The following GLE1 variants were observed in gnomAD, a reference collection of about 807,000 sequenced individuals.
GLE1 encodes the protein mRNA export factor GLE1.
Under a neutral mutation model 97.3 loss-of-function variants are expected in GLE1, and 78 were observed. The observed-to-expected ratio is 0.80, with a 90% CI of 0.67 to 0.97. The LOEUF (loss-of-function observed/expected upper bound fraction) is 0.97, where lower values mean the gene tolerates loss of function less well. GLE1 is among the 50% of genes least tolerant of loss of function. The pLI is 0.00. For synonymous variants in GLE1, 302 were observed against 313.4 expected (o/e 0.96, Z 0.39); for missense variants, 753 against 857.5 (o/e 0.88, Z 1.52).
At chr9:128,524,411 A>G (rs949530124) in intron 6 of GLE1, among the ~76,000 whole-genome samples, 2 of 151,220 alleles carry the variant, frequency 1.3e-5, no homozygotes, top group African/African-American at 2.4e-5. Flanking sequence ...TAAATTAGCA[A>G]TAGAGATCTC....
At chr9:128,510,526 C>CTTTTT (rs71381766) in intron 2 of GLE1, among the ~76,000 whole-genome samples, 1 of 82,728 alleles carries the variant, frequency 1.2e-5, no homozygotes, top group Non-Finnish European at 2.4e-5. Flanking sequence ...CACACCCAGG[C>CTTTTT]TTTTTTTTTT....
chr9:128,518,637 T>C (rs1187256910), intron 3 of GLE1, among the ~76,000 whole-genome samples: 1 of 151,272 alleles, frequency 6.6e-6, no homozygotes, highest in Admixed American at 6.6e-5. Context: ...TGGGAGGCCG[T>C]GGTGGATGGA....
At chr9:128,538,163 G>T in intron 13 of GLE1, 73 bp downstream of exon 13, 1 of 800,524 alleles carries the variant, frequency 1.2e-6, no homozygotes, top group South Asian at 1.4e-5. Flanking sequence ...TGACATGAAT[G>T]GGGAAACAGC....
chr9:128,523,019 A>G (rs1018971351), intron 4 of GLE1, among the ~76,000 whole-genome samples: 1 of 152,118 alleles, frequency 6.6e-6, no homozygotes, highest in African/African-American at 2.4e-5. Flanking sequence ...CTTTTAGGAG[A>G]GGTAAAACAA....
intron 8 of GLE1, 68 bp downstream of exon 8, chr9:128,527,359 C>G: frequency 7.8e-7 from 1 of 1,276,046 alleles, no homozygotes; most frequent in Non-Finnish European, 1.1e-6. Context: ...CACTTCGTGT[C>G]CCAAAGGAAT....
At chr9:128,530,349 G>A (rs1054302040) in intron 9 of GLE1, among the ~76,000 whole-genome samples, 4 of 152,148 alleles carry the variant, frequency 2.6e-5, no homozygotes, top group Non-Finnish European at 5.9e-5. Context: ...TGAGTAATCA[G>A]TAGCACCATT....
intron 3 of GLE1, among the ~76,000 whole-genome samples, chr9:128,518,942 A>G (rs1407856728): frequency 1.3e-5 from 2 of 152,040 alleles, no homozygotes; most frequent in African/African-American, 4.8e-5. Context: ...CCATGGCAGA[A>G]GAACATGGAT....
chr9:128,517,260 A>G (rs1244195030), intron 3 of GLE1, among the ~76,000 whole-genome samples: 1 of 152,062 alleles, frequency 6.6e-6, no homozygotes, highest in Non-Finnish European at 1.5e-5. Context: ...ACTGCACTCT[A>G]GCCTGGGCAG....
At chr9:128,518,782 C>T (rs1444327032) in intron 3 of GLE1, among the ~76,000 whole-genome samples, 7 of 151,262 alleles carry the variant, frequency 4.6e-5, no homozygotes, top group South Asian at 4.2e-4. Flanking sequence ...GGAGGAGAAT[C>T]GCTTGAACCC....
Position 128,520,378 on chromosome 9 carries a change from GTATA to G in GLE1, c.433-2288_433-2285del, listed in dbSNP as rs973011903. The stretch of plus-strand genomic sequence containing the variant: ...TGTATGTGTGTATATATGTATATAT[GTATA>G]TGTGTATATATGTATGTGTGTATAT... On this transcript the variant is annotated intron_variant, in intron 3 of 15. Coordinates refer to ENST00000309971, the MANE Select transcript of GLE1 (RefSeq NM_001003722.2). Among the ~76,000 whole-genome samples the G allele has an allele frequency of 6.1e-5, 9 of 147,870 alleles. No individual in the cohort carries two copies. In the East Asian group the frequency reaches 1.8e-3, roughly 29 times the overall value.
rs1291275497 is a variant in GLE1, at chr9:128,541,759, TA to T, written c.*591del. The T allele has an allele frequency of 6.5e-6, 1 of 152,708 alleles. No individual in the cohort carries two copies. The highest frequency in any genetic ancestry group is 2.4e-5 in the African/African-American group (1 of 41,464). 9.5% of individuals were successfully genotyped at this position (152,708 alleles called of 1,614,324 possible). A position where few individuals can be genotyped will look rare whatever the true frequency, so the allele number is the denominator to read the frequency against. On this transcript the variant is annotated 3_prime_UTR_variant, in exon 16 of 16. Coordinates refer to ENST00000309971, the MANE Select transcript of GLE1 (RefSeq NM_001003722.2). ...GGCTCAGGTGACACTATGGCTAGAT[TA>T]ACATCTGGGATTAGGACTGGAAACA... is the stretch of plus-strand genomic sequence containing the variant.
chr9:128,523,252 C>G, intron 4 of GLE1, 28 bp from the exon 5 acceptor site: 3 of 1,545,436 alleles, frequency 1.9e-6, no homozygotes, highest in Non-Finnish European at 2.7e-6. Flanking sequence ...GTATCCCTGA[C>G]TATTCCTCCC....
chr9:128,527,266 G>A lies in GLE1; in HGVS notation c.1217G>A (p.Gly406Asp). The A allele has an allele frequency of 6.2e-7, 1 of 1,605,848 alleles. No homozygotes were observed. The highest frequency in any genetic ancestry group is 8.5e-7 in the Non-Finnish European group (1 of 1,172,424). ...ATGCAGTGTGTGTTGACCTTTGAGG[G>A]CCTGACCAACAGCAAGGACAGTCAG... ...ASMQCVLTFE[G>D]LTNSKDSQAK... The change falls in exon 8 of 16, where the codon GGC (glycine) becomes GAC (aspartate). Residue 406 changes from glycine (G) to aspartate (D), a missense_variant. Transcript: ENST00000309971.
In GLE1 at chr9:128,523,688, G is replaced by T. The variant is rs1340265916; in HGVS notation, c.739G>T (p.Ala247Ser). The T allele has an allele frequency of 6.2e-7, 1 of 1,614,092 alleles. No homozygotes were observed. Among genetic ancestry groups the T allele is most frequent in the Non-Finnish European group, 8.5e-7 (1 of 1,179,978 alleles). The change falls in exon 6 of 16, where the codon GCC (alanine) becomes TCC (serine). Residue 247 changes from alanine to serine, a missense_variant. By Grantham distance (99) the Ala-to-Ser change is moderately conservative. Transcript: ENST00000309971. ...GGAAGAAGGCCAGATCCGCCTGCGG[G>T]CCCTCTATGCTCTGCAGGAGGAGAT... ...RKEEGQIRLRALYALQEEMLQ... is the reference protein window; with the variant it reads ...RKEEGQIRLRSLYALQEEMLQ...
At chr9:128,522,635 TAAAAAAAA>T (rs60154464) in intron 3 of GLE1, 25 bp from the exon 4 acceptor site, 19 of 1,266,964 alleles carry the variant, frequency 1.5e-5, no homozygotes, top group African/African-American at 1.2e-4. Flanking sequence ...GATTCCATCT[TAAAAAAAA>T]AAAAAAAAAA....
intron 3 of GLE1, among the ~76,000 whole-genome samples, chr9:128,521,140 T>G (rs1847140185): frequency 6.6e-6 from 1 of 152,144 alleles, no homozygotes; most frequent in Non-Finnish European, 1.5e-5. Context: ...CTATGTGGTG[T>G]TATGTCTTTT....
intron 2 of GLE1, among the ~76,000 whole-genome samples, chr9:128,511,232 A>G (rs139470984): frequency 0.011 from 1,620 of 149,654 alleles, 12 homozygotes; most frequent in Non-Finnish European, 0.017. Flanking sequence ...GAGACTGAGT[A>G]AATAATAACA....
At chr9:128,530,651 T>A (rs888196520) in intron 9 of GLE1, among the ~76,000 whole-genome samples, 5 of 152,042 alleles carry the variant, frequency 3.3e-5, no homozygotes, top group Non-Finnish European at 5.9e-5. Context: ...GGTTCACGCC[T>A]GTAATCCCAG....
intron 3 of GLE1, among the ~76,000 whole-genome samples, chr9:128,517,301 A>G (rs1847017439): frequency 6.6e-6 from 1 of 152,062 alleles, no homozygotes; most frequent in African/African-American, 2.4e-5. Context: ...AAAAAAAAAA[A>G]GAAAAAGAAA....
Sources: allele counts gnomAD v4.1 joint callset (sites outside exome capture counted in the v4.1 genomes callset), GRCh38; gene constraint gnomAD v4.1.1; transcripts MANE v1.5; gene names NCBI Gene and HGNC (gene_info 2026-07-23, HGNC 2026-07-21).